The following EOGT variants were observed in gnomAD, a reference collection of about 807,000 sequenced individuals.
EOGT encodes EGF domain specific O-linked N-acetylglucosamine transferase, also known as EGF domain-specific O-linked N-acetylglucosamine transferase.
A neutral mutation model predicts 70.5 loss-of-function variants in EOGT; 55 were observed. The ratio of observed to expected loss-of-function variants is 0.78; its 90% CI spans 0.63 to 0.98. EOGT has a LOEUF of 0.98. Among genes scored for constraint, EOGT ranks in the 50% least tolerant of loss-of-function variants. EOGT has a pLI of 0.00. For synonymous variants in EOGT, 246 were observed against 217.1 expected, an observed-to-expected ratio of 1.13 and a Z score of -1.17; for missense variants, 703 against 641.9, an observed-to-expected ratio of 1.10 and a Z score of -1.03.
At chr3:69,002,165 G>C (rs2091312988) in intron 8 of EOGT, among the ~76,000 whole-genome samples, 2 of 152,124 alleles carry the variant, frequency 1.3e-5, no homozygotes, top group Non-Finnish European at 2.9e-5. Context: ...AGGAGCCGAG[G>C]CTTACAACAA....
chr3:68,981,136 A>G (rs2090628645), intron 15 of EOGT, among the ~76,000 whole-genome samples: 1 of 152,224 alleles, frequency 6.6e-6, no homozygotes, highest in Admixed American at 6.5e-5. Flanking sequence ...CCAACTCAGA[A>G]GACTGTTGAA....
chr3:68,986,616 C>G (rs976376375), intron 14 of EOGT, among the ~76,000 whole-genome samples: 1 of 152,224 alleles, frequency 6.6e-6, no homozygotes, highest in African/African-American at 2.4e-5. Flanking sequence ...AGATTCTTCT[C>G]TGATTAGGTC....
intron 10 of EOGT, among the ~76,000 whole-genome samples, chr3:68,991,489 A>G (rs1200050674): frequency 6.6e-6 from 1 of 152,198 alleles, no homozygotes; most frequent in Non-Finnish European, 1.5e-5. Context: ...GGAGTGGGAA[A>G]TGAATACATG....
rs911565294 is a variant in EOGT at position 68,979,728 on chromosome 3, A to G, written c.1274T>C (p.Met425Thr). 2 of 1,613,674 alleles carry G rather than the reference A, an allele frequency of 1.2e-6. No individual in the cohort carries two copies. Among genetic ancestry groups the G allele is most frequent in the African/African-American group, 1.3e-5 (1 of 74,914 alleles). Residue 425 changes from methionine (M) to threonine (T), a missense_variant, in exon 16 of 18, where the codon ATG (methionine) becomes ACG (threonine). By Grantham distance (81) the Met-to-Thr change is moderately conservative. Coordinates refer to ENST00000383701, the MANE Select transcript of EOGT (RefSeq NM_001278689.2). ...ITHNTDIFIG[M>T]HGAGLTHLLF... is the part of the protein sequence containing the mutation. The stretch of plus-strand genomic sequence containing the variant: ...TAAATGGGTCAGACCAGCTCCATGC[A>G]TTCCAATAAATATGTCCGTGTTGTG...
intron 10 of EOGT, among the ~76,000 whole-genome samples, chr3:68,994,530 A>G (rs1013911661): frequency 3.3e-5 from 5 of 152,306 alleles, no homozygotes; most frequent in Non-Finnish European, 5.9e-5. Flanking sequence ...GGTGGCTCAC[A>G]TCTGTAATCC....
At chr3:69,009,376 T>C (rs2091512864) in intron 4 of EOGT, among the ~76,000 whole-genome samples, 1 of 152,220 alleles carries the variant, frequency 6.6e-6, no homozygotes, top group Non-Finnish European at 1.5e-5. Context: ...AAAATCTAAT[T>C]GCTTCTTTAC....
At position 69,005,253 on chromosome 3, in the gene EOGT, A is replaced by G. The variant is rs774998840; in HGVS notation, c.421-19T>C. ...AGTCACTCTGAAGGTTGAGCAAAAG[A>G]AAAGAATGACTCTGAGTATTAACAC... is the stretch of plus-strand genomic sequence containing the variant. On this transcript the variant is annotated intron_variant, in intron 6 of 17. Transcript: ENST00000383701. 1.3e-4 allele frequency: 181 copies of G among 1,428,424 alleles called. 2 individuals carry two copies. The South Asian group carries it at 1.8e-3, about 14-fold the overall frequency. 88.5% of individuals were successfully genotyped at this position (1,428,424 alleles called of 1,614,324 possible).
At position 68,988,573 on chromosome 3, in the gene EOGT, C is replaced by T. The variant is rs1351627141; in HGVS notation, c.929G>A (p.Cys310Tyr). ...HLKTYDSKRV[C>Y]FKEAVFSLLP... The stretch of plus-strand genomic sequence containing the variant: ...TAATGAAAAAACAGCTTCTTTAAAA[C>T]ATACCTAAGAACAAAGATACATTAA... Residue 310 changes from cysteine to tyrosine, a missense_variant, in exon 12 of 18, where the codon TGT becomes TAT. Physicochemically the swap from Cys to Tyr is radical, Grantham distance 194 (BLOSUM62 -2). Transcript: ENST00000383701. 3 of 1,525,972 alleles carry T rather than the reference C, an allele frequency of 2.0e-6. No individual in the cohort carries two copies. Among genetic ancestry groups the T allele is most frequent in the Non-Finnish European group, 2.6e-6 (3 of 1,140,362 alleles). 94.5% of individuals were successfully genotyped at this position (1,525,972 alleles called of 1,614,324 possible).
At chr3:68,991,053 A>G (rs1275216050) in intron 10 of EOGT, among the ~76,000 whole-genome samples, 2 of 152,246 alleles carry the variant, frequency 1.3e-5, no homozygotes, top group Non-Finnish European at 2.9e-5. Context: ...GTTTCCTGAG[A>G]TAAAATACTT....
In EOGT at chr3:68,984,415, C is replaced by T. The variant is rs368665344; in HGVS notation, c.1153-1543G>A. ...AAAAGGAATCATGTGTGCTGACGGT[C>T]TCAGGGCAAGCATGCCCTTTTTCAT... On this transcript the variant is annotated intron_variant, in intron 14 of 17. Coordinates refer to ENST00000383701, the MANE Select transcript of EOGT (RefSeq NM_001278689.2). 5.1e-4 allele frequency among the ~76,000 whole-genome samples: 77 copies of T among 152,314 alleles called. No homozygotes were observed. In the South Asian group the frequency reaches 5.8e-3, roughly 11 times the overall value.
chr3:69,005,029 T>G (rs2091402187), intron 7 of EOGT, 111 bp downstream of exon 7: 1 of 643,040 alleles, frequency 1.6e-6, no homozygotes, highest in South Asian at 2.0e-5. Context: ...ACCGCTGCAC[T>G]CCAGCCTGGG....
intron 10 of EOGT, among the ~76,000 whole-genome samples, chr3:68,995,663 T>A (rs1054468703): frequency 6.6e-6 from 1 of 152,190 alleles, no homozygotes; most frequent in Non-Finnish European, 1.5e-5. Context: ...TAGAAAAGCA[T>A]GCAACAGGTA....
At chr3:69,003,238 T>G (rs1016671197) in intron 8 of EOGT, among the ~76,000 whole-genome samples, 3 of 152,212 alleles carry the variant, frequency 2.0e-5, no homozygotes, top group Admixed American at 6.5e-5. Flanking sequence ...TTGTGATCAT[T>G]GTGCCATGGT....
At chr3:68,987,363 A>T in intron 14 of EOGT, 82 bp downstream of exon 14, 1 of 1,016,064 alleles carries the variant, frequency 9.8e-7, no homozygotes, top group Non-Finnish European at 1.5e-6. Context: ...CAAAGCTTTT[A>T]ACGTAATGTG....
intron 11 of EOGT, 128 bp from the exon 12 acceptor site, chr3:68,988,705 A>G: frequency 1.5e-6 from 1 of 667,438 alleles, no homozygotes. Flanking sequence ...ACACTATTTC[A>G]TTCAAAGAGA....
chr3:68,987,760 G>T (rs1246789555), intron 13 of EOGT: 4 of 542,510 alleles, frequency 7.4e-6, no homozygotes, highest in Admixed American at 3.4e-5. Context: ...TTTTTGGCAG[G>T]GGTTGTGTAT....
chr3:68,997,833 A>G (rs946681200), intron 10 of EOGT, among the ~76,000 whole-genome samples, 178 bp downstream of exon 10: 1 of 152,246 alleles, frequency 6.6e-6, no homozygotes, highest in African/African-American at 2.4e-5. Context: ...CTATCTGCCT[A>G]TACGTATATG....
intron 14 of EOGT, among the ~76,000 whole-genome samples, chr3:68,984,202 TCC>T (rs1213856384): frequency 1.6e-5 from 2 of 126,474 alleles, no homozygotes; most frequent in Non-Finnish European, 3.3e-5. Flanking sequence ...TTTAATCCCC[TCC>T]CCTCTCTCTC....
intron 14 of EOGT, among the ~76,000 whole-genome samples, chr3:68,985,088 G>A (rs1312224093): frequency 6.6e-6 from 1 of 152,072 alleles, no homozygotes; most frequent in Non-Finnish European, 1.5e-5. Flanking sequence ...GGGTTGGGGG[G>A]CACAATGTAC....
Sources: allele counts gnomAD v4.1 joint callset (sites outside exome capture counted in the v4.1 genomes callset), GRCh38; gene constraint gnomAD v4.1.1; transcripts MANE v1.5; gene names NCBI Gene and HGNC (gene_info 2026-07-23, HGNC 2026-07-21).